PIK3AP1: variants seen among roughly 807,000 people sequenced by gnomAD.
The protein encoded by PIK3AP1 is phosphoinositide-3-kinase adaptor protein 1, also known as phosphoinositide 3-kinase adapter protein 1.
Under a neutral mutation model 88.1 loss-of-function variants are expected in PIK3AP1, and 21 were observed. The observed-to-expected ratio is 0.24, with a 90% CI of 0.17 to 0.34. The LOEUF (loss-of-function observed/expected upper bound fraction) is 0.34. PIK3AP1 is among the 10% of genes least tolerant of loss of function. The pLI is 1.00. For missense variants in PIK3AP1, 828 were observed against 1,035.7 expected, an observed-to-expected ratio of 0.80 and a Z score of 2.75; for synonymous variants, 398 against 400.0, an observed-to-expected ratio of 1.00 and a Z score of 0.06.
At chr10:96,666,931 G>C (rs1843771234) in intron 2 of PIK3AP1, among the ~76,000 whole-genome samples, 1 of 152,054 alleles carries the variant, frequency 6.6e-6, no homozygotes, top group African/African-American at 2.4e-5. Context: ...GCAGTGGAAG[G>C]TATCACTTCC....
At chr10:96,665,900 G>T (rs1043530735) in intron 2 of PIK3AP1, among the ~76,000 whole-genome samples, 1 of 152,152 alleles carries the variant, frequency 6.6e-6, no homozygotes, top group Non-Finnish European at 1.5e-5. Flanking sequence ...GGGAGACGGA[G>T]CAAGACTCCC....
At chr10:96,657,181 G>C (rs909862248) in intron 2 of PIK3AP1, among the ~76,000 whole-genome samples, 1 of 152,194 alleles carries the variant, frequency 6.6e-6, no homozygotes, top group South Asian at 2.1e-4. Context: ...AGGCCAGAAA[G>C]TCTGAGGCTG....
intron 13 of PIK3AP1, among the ~76,000 whole-genome samples, chr10:96,612,976 A>ATATATATATATATATATATC (rs1849146663): frequency 1.7e-5 from 1 of 59,640 alleles, no homozygotes; most frequent in African/African-American, 7.4e-5. Flanking sequence ...ATATATATAT[A>ATATATATATATATATATATC]TATATATTTT....
Position 96,701,945 on chromosome 10 carries a change from G to A in PIK3AP1, c.430+7622C>T, listed in dbSNP as rs75634988. ...AAGTTTCTTTTTAAATTTAAGAAAA[G>A]TTACACAATGGAATATTTTTCAGCT... is the stretch of plus-strand genomic sequence containing the variant. On this transcript the variant is annotated intron_variant, in intron 2 of 16. Coordinates refer to ENST00000339364, the MANE Select transcript of PIK3AP1 (RefSeq NM_152309.3). 7.9e-3 allele frequency among the ~76,000 whole-genome samples: 1,195 copies of A among 152,208 alleles called. 19 individuals are homozygous for A. Among genetic ancestry groups the A allele is most frequent in the African/African-American group, 0.026 (1,068 of 41,524 alleles).
At chr10:96,639,051 C>T (rs535250673) in intron 8 of PIK3AP1, among the ~76,000 whole-genome samples, 4 of 152,002 alleles carry the variant, frequency 2.6e-5, no homozygotes, top group African/African-American at 9.7e-5. Flanking sequence ...TTTCTCAAGC[C>T]GAGAAAAGAG....
At chr10:96,698,592 G>A (rs980958022) in intron 2 of PIK3AP1, among the ~76,000 whole-genome samples, 3 of 152,128 alleles carry the variant, frequency 2.0e-5, no homozygotes, top group Non-Finnish European at 4.4e-5. Flanking sequence ...ACTAAGCTGG[G>A]TGCAGTGGTG....
chr10:96,678,541 A>C (rs1843956890), intron 2 of PIK3AP1, among the ~76,000 whole-genome samples: 1 of 152,184 alleles, frequency 6.6e-6, no homozygotes, highest in Non-Finnish European at 1.5e-5. Flanking sequence ...ATGTGCTGGG[A>C]TTATAGGCTT....
chr10:96,647,917 T>A (rs183104199), intron 7 of PIK3AP1, among the ~76,000 whole-genome samples: 1 of 152,106 alleles, frequency 6.6e-6, no homozygotes, highest in African/African-American at 2.4e-5. Context: ...TATTGGGGCA[T>A]GGAATAAGAT....
chr10:96,658,754 G>C (rs891212574), intron 2 of PIK3AP1, among the ~76,000 whole-genome samples: 1 of 152,030 alleles, frequency 6.6e-6, no homozygotes, highest in South Asian at 2.1e-4. Flanking sequence ...CAGAATGCCT[G>C]TTTGAATGCT....
At chr10:96,690,812 C>T (rs1337665130) in intron 2 of PIK3AP1, among the ~76,000 whole-genome samples, 1 of 152,214 alleles carries the variant, frequency 6.6e-6, no homozygotes, top group African/African-American at 2.4e-5. Flanking sequence ...TAGAGTAAGG[C>T]ACCTGATCAA....
intron 8 of PIK3AP1, among the ~76,000 whole-genome samples, chr10:96,629,689 G>T (rs531236944): frequency 9.5e-6 from 1 of 105,796 alleles, no homozygotes; most frequent in Non-Finnish European, 1.7e-5. Context: ...TCCAGCCTAC[G>T]CAACACAGTG....
At chr10:96,629,714 C>CAAAAAAA (rs33921990) in intron 8 of PIK3AP1, among the ~76,000 whole-genome samples, 2 of 71,636 alleles carry the variant, frequency 2.8e-5, no homozygotes, top group African/African-American at 6.1e-5. Flanking sequence ...CCCATCTCTA[C>CAAAAAAA]AAAAAAAAAA....
chr10:96,629,295 A>C (rs1843205236), intron 8 of PIK3AP1, among the ~76,000 whole-genome samples: 1 of 152,144 alleles, frequency 6.6e-6, no homozygotes, highest in Non-Finnish European at 1.5e-5. Context: ...AAACACACAA[A>C]TATGCTGGGA....
chr10:96,629,741 A>G (rs78946494), intron 8 of PIK3AP1, among the ~76,000 whole-genome samples: 1,765 of 146,692 alleles, frequency 0.012, 47 homozygotes, highest in African/African-American at 0.042. Context: ...AAAGACAGAA[A>G]AAATTAGCAA....
chr10:96,710,213 A>ATTATTTATTTATTTAT (rs10636821), intron 1 of PIK3AP1, among the ~76,000 whole-genome samples: 2 of 149,832 alleles, frequency 1.3e-5, no homozygotes, highest in African/African-American at 5.0e-5. Flanking sequence ...ACGCTGTTTT[A>ATTATTTATTTATTTAT]TTATTTATTT....
At chr10:96,627,177 T>A (rs988449338) in intron 9 of PIK3AP1, among the ~76,000 whole-genome samples, 13 of 152,228 alleles carry the variant, frequency 8.5e-5, no homozygotes, top group Admixed American at 7.8e-4. Context: ...GGGATTCAGT[T>A]ATTCATCCCA....
chr10:96,666,538 A>G (rs1843765488), intron 2 of PIK3AP1, among the ~76,000 whole-genome samples: 1 of 152,102 alleles, frequency 6.6e-6, no homozygotes, highest in South Asian at 2.1e-4. Flanking sequence ...GAATCTATAC[A>G]CTATTTGGGT....
At chr10:96,694,184 G>A (rs1245283951) in intron 2 of PIK3AP1, among the ~76,000 whole-genome samples, 1 of 152,144 alleles carries the variant, frequency 6.6e-6, no homozygotes, top group African/African-American at 2.4e-5. Flanking sequence ...CTGGCATTAA[G>A]TAATAGGGTA....
chr10:96,608,309 C>T (rs1849038331), intron 14 of PIK3AP1, among the ~76,000 whole-genome samples: 1 of 152,238 alleles, frequency 6.6e-6, no homozygotes, highest in Admixed American at 6.5e-5. Flanking sequence ...CTTGCTCCTT[C>T]TGCCACCTGT....
Sources: gnomAD v4.1 joint callset for allele counts (sites outside exome capture counted in the v4.1 genomes callset) on GRCh38, gnomAD v4.1.1 for gene constraint, MANE v1.5 for transcripts, NCBI Gene and HGNC (gene_info 2026-07-23, HGNC 2026-07-21) for gene names.